MYH10: variants seen among roughly 807,000 people sequenced by gnomAD.
The protein encoded by MYH10 is myosin heavy chain 10.
A neutral mutation model predicts 257.8 loss-of-function variants in MYH10; 55 were observed. The observed-to-expected ratio is 0.21, with a 90% CI of 0.17 to 0.27. The LOEUF (loss-of-function observed/expected upper bound fraction) is 0.27, where lower values mean the gene tolerates loss of function less well. MYH10 is among the 10% of genes least tolerant of loss of function. The probability of loss-of-function intolerance (pLI) is 1.00; values close to 1 mark genes in which losing one functional copy is unlikely to be tolerated. For missense variants in MYH10, 1,631 were observed against 2,500.6 expected, an observed-to-expected ratio of 0.65 and a Z score of 7.42; for synonymous variants, 854 against 921.7, an observed-to-expected ratio of 0.93 and a Z score of 1.33.
intron 19 of MYH10, among the ~76,000 whole-genome samples, chr17:8,519,380 ACAT>A (rs2081576240): frequency 6.6e-6 from 1 of 152,156 alleles, no homozygotes; most frequent in Non-Finnish European, 1.5e-5. Flanking sequence ...TCTATTCAAA[ACAT>A]CAGAAAATAT....
chr17:8,606,881 C>A (rs1309894450), intron 2 of MYH10, among the ~76,000 whole-genome samples: 1 of 152,160 alleles, frequency 6.6e-6, no homozygotes, highest in Non-Finnish European at 1.5e-5. Flanking sequence ...GACTCTTGGC[C>A]TTCTTGTATG....
At chr17:8,538,776 T>C (rs943714648) in intron 14 of MYH10, among the ~76,000 whole-genome samples, 1 of 152,184 alleles carries the variant, frequency 6.6e-6, no homozygotes, top group African/African-American at 2.4e-5. Flanking sequence ...TGTCTGGGCA[T>C]AACTGGTGAC....
chr17:8,543,384 G>A (rs927789386), intron 13 of MYH10, among the ~76,000 whole-genome samples: 3 of 152,014 alleles, frequency 2.0e-5, no homozygotes, highest in Admixed American at 6.5e-5. Context: ...ACAGACTGCC[G>A]GATTCTGCTT....
chr17:8,474,842 C>T lies in MYH10; in HGVS notation c.*962G>A, dbSNP rs1912240296. 1 of 152,648 alleles carries T rather than the reference C, an allele frequency of 6.6e-6. No homozygotes were observed. The highest frequency in any genetic ancestry group is 1.5e-5 in the Non-Finnish European group (1 of 68,050). The allele number at this position is 152,648 out of a possible 1,614,324, so 9.5% of individuals were successfully genotyped here. On this transcript the variant is annotated 3_prime_UTR_variant, in exon 43 of 43. Coordinates refer to ENST00000360416, the MANE Select transcript of MYH10 (RefSeq NM_001256012.3). The stretch of plus-strand genomic sequence containing the variant: ...TCTGTTCTGGAGGCTCCATAAACCT[C>T]ATTGACAAACTTGGAACAAGCCTCG...
chr17:8,488,264 T>G (rs1260015891), intron 35 of MYH10, among the ~76,000 whole-genome samples: 1 of 152,154 alleles, frequency 6.6e-6, no homozygotes, highest in African/African-American at 2.4e-5. Context: ...GATAGGGAAC[T>G]GTGCTCACAC....
chr17:8,544,146 T>A (rs1478545338), intron 13 of MYH10, among the ~76,000 whole-genome samples: 1 of 152,232 alleles, frequency 6.6e-6, no homozygotes, highest in East Asian at 1.9e-4. Flanking sequence ...TGAACCAGTT[T>A]CCTAAAGGTG....
chr17:8,619,320 A>G (rs923020192), intron 2 of MYH10, among the ~76,000 whole-genome samples: 1 of 152,208 alleles, frequency 6.6e-6, no homozygotes, highest in African/African-American at 2.4e-5. Context: ...GTACTAGTAC[A>G]CTGCCTTTAT....
intron 7 of MYH10, chr17:8,560,825 C>A (rs2082966447): frequency 1.7e-6 from 1 of 580,168 alleles, no homozygotes. Flanking sequence ...GTGGCCAAGA[C>A]TGAGTGGCTG....
intron 14 of MYH10, among the ~76,000 whole-genome samples, 161 bp from the exon 15 acceptor site, chr17:8,536,092 C>G (rs1054142247): frequency 6.6e-6 from 1 of 152,128 alleles, no homozygotes; most frequent in African/African-American, 2.4e-5. Flanking sequence ...GTTTATAATT[C>G]AAACACTGAC....
At chr17:8,574,532 A>T (rs566445519) in intron 6 of MYH10, among the ~76,000 whole-genome samples, 1 of 9,964 alleles carries the variant, frequency 1.0e-4, no homozygotes, top group Non-Finnish European at 0.013. Context: ...TGTGAATTAT[A>T]TCTCATTTAA....
chr17:8,530,791 C>CA (rs2081985218), intron 16 of MYH10, 106 bp from the exon 17 acceptor site: 3 of 821,050 alleles, frequency 3.7e-6, no homozygotes, highest in Non-Finnish European at 5.8e-6. Context: ...AATCGGGCTA[C>CA]AAAAGGAGCT....
rs763743113 is a variant in MYH10, at chr17:8,545,411, A to G, written c.1431+37T>C. On this transcript the variant is annotated intron_variant, in intron 13 of 42. Transcript: ENST00000360416. The surrounding 1 kb of genome is among the most constrained non-coding windows in gnomAD (Gnocchi z 4.7). ...TCATATTTGTTAAAAGAACAAACAA[A>G]AAGAAGGACGAGCTAGAGGAAGAGG... The G allele has an allele frequency of 4.4e-6, 7 of 1,606,768 alleles. No homozygotes were observed. The highest frequency in any genetic ancestry group is 1.7e-4 in the Middle Eastern group (1 of 6,036).
At chr17:8,623,397 G>A (rs1292559625) in intron 1 of MYH10, 120 bp from the exon 2 acceptor site, 12 of 953,674 alleles carry the variant, frequency 1.3e-5, no homozygotes, top group Non-Finnish European at 1.4e-6. Flanking sequence ...AAGGAGCTGG[G>A]GTATACCTCT....
intron 37 of MYH10, 124 bp downstream of exon 37, chr17:8,484,014 A>G (rs1233110101): frequency 1.1e-6 from 1 of 924,554 alleles, no homozygotes; most frequent in Non-Finnish European, 1.6e-6. Flanking sequence ...TACTTAAAAA[A>G]ATAAAAAACA....
rs1240289896 is a variant in MYH10, at chr17:8,569,113, T to A, written c.756+607A>T. Among the ~76,000 whole-genome samples, 3 of 151,820 alleles carry A rather than the reference T, an allele frequency of 2.0e-5. No individual in the cohort carries two copies. Among genetic ancestry groups the A allele is most frequent in the African/African-American group, 7.3e-5 (3 of 41,322 alleles). On this transcript the variant is annotated intron_variant, in intron 7 of 42. Coordinates refer to ENST00000360416, the MANE Select transcript of MYH10 (RefSeq NM_001256012.3). This position sits in a 1 kb window ranked among gnomAD's most constrained non-coding sequence, Gnocchi z 4.1. Reference sequence around the variant, plus strand: ...AACGTGAGCCTGTAGTCCCGGCTCCTTGGGAGACTGAGGAAGGAGGATGCC... The same window carrying A: ...AACGTGAGCCTGTAGTCCCGGCTCCATGGGAGACTGAGGAAGGAGGATGCC...
intron 7 of MYH10, chr17:8,561,274 C>T (rs957797036): frequency 2.9e-5 from 29 of 1,016,442 alleles, no homozygotes; most frequent in East Asian, 1.9e-4. Flanking sequence ...AAAAGGGCCG[C>T]GGCCACGTGC....
chr17:8,545,704 G>C lies in MYH10; in HGVS notation c.1279-104C>G, dbSNP rs778157350. ...GTTATACAGCACTCAAAAAACCTGAGATGGCATTCACTGCTTAATCATGTC... is the reference window on the plus strand; with the variant it reads ...GTTATACAGCACTCAAAAAACCTGACATGGCATTCACTGCTTAATCATGTC... On this transcript the variant is annotated intron_variant, in intron 12 of 42. Transcript: ENST00000360416. The surrounding 1 kb of genome is among the most constrained non-coding windows in gnomAD (Gnocchi z 4.7). 1.3e-5 allele frequency: 15 copies of C among 1,122,634 alleles called. No homozygotes were observed. The highest frequency in any genetic ancestry group is 1.8e-5 in the Non-Finnish European group (14 of 799,516). 69.5% of individuals were successfully genotyped at this position (1,122,634 alleles called of 1,614,324 possible). A position where few individuals can be genotyped will look rare whatever the true frequency, so the allele number is the denominator to read the frequency against.
chr17:8,578,006 T>C (rs1040876954), intron 4 of MYH10, among the ~76,000 whole-genome samples: 1 of 152,198 alleles, frequency 6.6e-6, no homozygotes, highest in Non-Finnish European at 1.5e-5. Flanking sequence ...AGAGAATCCC[T>C]AAAACAATTA....
Position 8,623,237 on chromosome 17 carries a change from T to C in MYH10, c.10A>G (p.Arg4Gly). 5 of 1,578,090 alleles carry C rather than the reference T, an allele frequency of 3.2e-6. No individual in the cohort carries two copies. Among genetic ancestry groups the C allele is most frequent in the Non-Finnish European group, 4.3e-6 (5 of 1,165,538 alleles). ...CTCTCTGGATCCTCGAGTCCAGTTC[T>C]CTGCGCCATTGTAAATGGAACGATC... MAQ[R>G]TGLEDPERYL... is the part of the protein sequence containing the mutation. The change falls in exon 2 of 43, where the codon AGA becomes GGA. Residue 4 changes from arginine (R) to glycine (G), a missense_variant. Coordinates refer to ENST00000360416, the MANE Select transcript of MYH10 (RefSeq NM_001256012.3).
Sources: gnomAD v4.1 joint callset for allele counts (sites outside exome capture counted in the v4.1 genomes callset) on GRCh38, gnomAD v4.1.1 for gene constraint, Gnocchi (gnomAD v3.1) non-coding constraint, MANE v1.5 for transcripts, NCBI Gene and HGNC (gene_info 2026-07-23, HGNC 2026-07-21) for gene names.